Variants in SPAG17 observed in about 807,000 individuals in gnomAD.
The protein encoded by SPAG17 is sperm associated antigen 17.
Under a neutral mutation model 273.6 loss-of-function variants are expected in SPAG17, and 169 were observed. The ratio of observed to expected loss-of-function variants is 0.62; its 90% CI spans 0.55 to 0.70. The LOEUF is 0.70. SPAG17 is among the 30% of genes least tolerant of loss of function. The pLI, the probability that SPAG17 is intolerant of heterozygous loss-of-function variation, is 0.00. For synonymous variants in SPAG17, 825 were observed against 873.2 expected (o/e 0.94, Z 0.97); for missense variants, 2,557 against 2,627.8 (o/e 0.97, Z 0.59).
chr1:118,033,256 C>T (rs754138471), intron 24 of SPAG17, among the ~76,000 whole-genome samples: 23 of 152,146 alleles, frequency 1.5e-4, no homozygotes, highest in Non-Finnish European at 2.8e-4. Context: ...GGTTGTGGTG[C>T]TACAGACATT....
At chr1:117,996,570 A>C (rs1000543721) in intron 33 of SPAG17, 28 bp downstream of exon 33, 21 of 1,602,272 alleles carry the variant, frequency 1.3e-5, no homozygotes, top group Non-Finnish European at 1.7e-5. Context: ...TCAGAATTAA[A>C]AGTAAAATTA....
At chr1:117,964,083 T>C (rs1571072371) in intron 47 of SPAG17, 145 bp from the exon 48 acceptor site, 4 of 849,698 alleles carry the variant, frequency 4.7e-6, no homozygotes, top group Non-Finnish European at 7.2e-6. Flanking sequence ...AAATTCTGCA[T>C]GCTCAGGCTT....
At chr1:118,005,286 G>T (rs1436780582) in intron 32 of SPAG17, 128 bp downstream of exon 32, 2 of 700,924 alleles carry the variant, frequency 2.9e-6, no homozygotes, top group African/African-American at 1.8e-5. Context: ...CTTGCCCAAA[G>T]TATTGGCAGT....
intron 18 of SPAG17, 94 bp from the exon 19 acceptor site, chr1:118,056,008 C>G (rs913640934): frequency 9.9e-7 from 1 of 1,008,862 alleles, no homozygotes; most frequent in Non-Finnish European, 1.4e-6. Context: ...TTGCTCATGT[C>G]AAAAATATAA....
rs929661296 is a variant in SPAG17, at chr1:118,053,897, T to C, written c.2814+105A>G. On this transcript the variant is annotated intron_variant, in intron 20 of 48. Coordinates refer to ENST00000336338, the MANE Select transcript of SPAG17 (RefSeq NM_206996.4). ...GCTTCCAGGAAGCCATCTTCATGCTTCTTCCCAATCACTATCCACTCCCAC... is the reference window on the plus strand; with the variant it reads ...GCTTCCAGGAAGCCATCTTCATGCTCCTTCCCAATCACTATCCACTCCCAC... The C allele has an allele frequency of 6.9e-6, 5 of 729,222 alleles. No individual in the cohort carries two copies. In the African/African-American group the frequency reaches 8.9e-5, roughly 13 times the overall value. The allele number at this position is 729,222 out of a possible 1,614,324, so 45.2% of individuals were successfully genotyped here. A position where few individuals can be genotyped will look rare whatever the true frequency, so the allele number is the denominator to read the frequency against.
chr1:118,022,080 C>A (rs1479002129), intron 28 of SPAG17, among the ~76,000 whole-genome samples: 1 of 151,946 alleles, frequency 6.6e-6, no homozygotes, highest in Non-Finnish European at 1.5e-5. Context: ...AAATCTAGAT[C>A]ATTAAAGGCA....
intron 3 of SPAG17, among the ~76,000 whole-genome samples, chr1:118,139,715 T>C (rs1285054504): frequency 6.6e-6 from 1 of 151,750 alleles, no homozygotes; most frequent in Non-Finnish European, 1.5e-5. Flanking sequence ...AAGACAAATA[T>C]TGCATGCACT....
intron 48 of SPAG17, chr1:117,959,196 C>A (rs771008473): frequency 2.1e-6 from 3 of 1,458,166 alleles, no homozygotes; most frequent in Admixed American, 2.2e-5. Context: ...AGATAAGTAA[C>A]AACACCTGAA....
intron 20 of SPAG17, among the ~76,000 whole-genome samples, chr1:118,042,575 T>C (rs1172716421): frequency 6.6e-6 from 1 of 152,068 alleles, no homozygotes; most frequent in African/African-American, 2.4e-5. Context: ...AAATACAGAT[T>C]ACCTTAACAT....
intron 40 of SPAG17, among the ~76,000 whole-genome samples, chr1:117,985,867 T>A (rs1656345178): frequency 1.3e-5 from 2 of 151,988 alleles, no homozygotes; most frequent in African/African-American, 4.8e-5. Flanking sequence ...CAATAAAGGG[T>A]GGAATCTAAA....
chr1:117,987,776 C>T (rs1411511646), intron 40 of SPAG17, 58 bp downstream of exon 40: 2 of 1,575,534 alleles, frequency 1.3e-6, no homozygotes, highest in East Asian at 2.2e-5. Context: ...CTATCCCATT[C>T]TCAGTCTATT....
intron 24 of SPAG17, 32 bp from the exon 25 acceptor site, chr1:118,031,899 T>A: frequency 6.7e-7 from 1 of 1,493,832 alleles, no homozygotes; most frequent in South Asian, 1.3e-5. Context: ...ATGAAGTTGA[T>A]TCAACATTCA....
intron 1 of SPAG17, among the ~76,000 whole-genome samples, chr1:118,178,856 T>C (rs1299446305): frequency 6.6e-6 from 1 of 151,818 alleles, no homozygotes; most frequent in African/African-American, 2.4e-5. Context: ...GTAAGCCCAT[T>C]TGCAGTAGTG....
At chr1:118,062,219 T>C (rs1295597996) in intron 18 of SPAG17, among the ~76,000 whole-genome samples, 1 of 151,316 alleles carries the variant, frequency 6.6e-6, no homozygotes. Context: ...ATCAAAAAAT[T>C]AGCCGGGCGT....
Position 117,994,420 on chromosome 1 carries a change from A to G in SPAG17, c.5164T>C (p.Phe1722Leu). The G allele has an allele frequency of 4.3e-6, 7 of 1,612,448 alleles. No individual in the cohort carries two copies. Among genetic ancestry groups the G allele is most frequent in the Non-Finnish European group, 5.9e-6 (7 of 1,179,014 alleles). ...AAATTATATACCTCAACTGAGGGAA[A>G]TGTTTCCCATGACCTTGACCGGAGA... ...PNLRSRSWET[F>L]PSVEKKTPGP... The change falls in exon 35 of 49, where the codon TTT (phenylalanine) becomes CTT (leucine). Residue 1722 changes from phenylalanine to leucine, a missense_variant. Physicochemically the swap from Phe to Leu is conservative, Grantham distance 22. Transcript: ENST00000336338.
chr1:118,121,106 T>A (rs1350168436), intron 3 of SPAG17, among the ~76,000 whole-genome samples: 1 of 152,022 alleles, frequency 6.6e-6, no homozygotes, highest in African/African-American at 2.4e-5. Context: ...CTTCCCTGCC[T>A]GGAGTTGCTG....
rs112888046 is a variant in SPAG17 at position 117,980,736 on chromosome 1, G to A, written c.6004+534C>T. Among the ~76,000 whole-genome samples the A allele has an allele frequency of 1.2e-3, 184 of 152,198 alleles. 1 individual carries two copies. Among genetic ancestry groups the A allele is most frequent in the African/African-American group, 3.9e-3 (162 of 41,526 alleles). On this transcript the variant is annotated intron_variant, in intron 43 of 48. Transcript: ENST00000336338. Reference sequence around the variant, plus strand: ...CTATATTTAGTTGAATTATCTTAGCGAAATTAGCATAATGTGACTCCACTG... The same window carrying A: ...CTATATTTAGTTGAATTATCTTAGCAAAATTAGCATAATGTGACTCCACTG...
At chr1:118,118,186 A>G (rs1031656317) in intron 3 of SPAG17, among the ~76,000 whole-genome samples, 1 of 152,256 alleles carries the variant, frequency 6.6e-6, no homozygotes, top group Non-Finnish European at 1.5e-5. Context: ...ACCTTTTCAC[A>G]TAACATCTCC....
Position 117,966,647 on chromosome 1 carries a change from A to G in SPAG17, c.6494T>C (p.Met2165Thr). The G allele has an allele frequency of 6.2e-7, 1 of 1,613,844 alleles. No homozygotes were observed. The highest frequency in any genetic ancestry group is 8.5e-7 in the Non-Finnish European group (1 of 1,179,920). ...SAHISHNIEI[M>T]TEHEVLFLPV... is the part of the protein sequence containing the mutation. The stretch of plus-strand genomic sequence containing the variant: ...TAGGAACAGAACCTCATGCTCTGTC[A>G]TAATCTCGATATTGTGAGAGATGTG... Residue 2165 changes from methionine to threonine, a missense_variant, in exon 47 of 49, where the codon ATG becomes ACG. Coordinates refer to ENST00000336338, the MANE Select transcript of SPAG17 (RefSeq NM_206996.4).
Sources: allele counts gnomAD v4.1 joint callset (sites outside exome capture counted in the v4.1 genomes callset), GRCh38; gene constraint gnomAD v4.1.1; transcripts MANE v1.5; gene names NCBI Gene and HGNC (gene_info 2026-07-23, HGNC 2026-07-21).